The following ARHGEF26 variants were observed in gnomAD, a reference collection of about 807,000 sequenced individuals.
ARHGEF26 encodes Rho guanine nucleotide exchange factor 26.
In ARHGEF26, 59 loss-of-function variants were observed where a neutral mutation model predicts 89.4. The ratio of observed to expected loss-of-function variants is 0.66; its 90% CI spans 0.54 to 0.82. ARHGEF26 has a LOEUF of 0.82. Ranked by LOEUF, ARHGEF26 falls within the 40% of genes least tolerant of loss-of-function variation. The pLI, the probability that ARHGEF26 is intolerant of heterozygous loss-of-function variation, is 0.00. For synonymous variants in ARHGEF26, 500 were observed against 428.4 expected, an observed-to-expected ratio of 1.17 and a Z score of -2.06; for missense variants, 1,234 against 1,085.6, an observed-to-expected ratio of 1.14 and a Z score of -1.92.
rs147283553 is a variant in ARHGEF26, at chr3:154,246,845, A to C, written c.2300+6266A>C. Among the ~76,000 whole-genome samples, 389 of 152,294 alleles carry C rather than the reference A, an allele frequency of 2.6e-3. 3 individuals are homozygous for C. The highest frequency in any genetic ancestry group is 9.1e-3 in the African/African-American group (379 of 41,546). ...GAGGTGGCAGTAAGTGGAAGAGAGG[A>C]ATCGATGATATTTAGATTTTTGGCG... On this transcript the variant is annotated intron_variant, in intron 12 of 14. Transcript: ENST00000465093.
chr3:154,152,950 T>C lies in ARHGEF26; in HGVS notation c.1487+18T>C. ...AGCAAAAAGTAAGTGCACTGCAGTCTGCCTTTGGTCGTGCCAAGAAGTTGC... is the reference window on the plus strand; with the variant it reads ...AGCAAAAAGTAAGTGCACTGCAGTCCGCCTTTGGTCGTGCCAAGAAGTTGC... On this transcript the variant is annotated intron_variant, in intron 6 of 14. Coordinates refer to ENST00000465093, the MANE Select transcript of ARHGEF26 (RefSeq NM_015595.4). The C allele has an allele frequency of 6.6e-7, 1 of 1,525,058 alleles. No individual in the cohort carries two copies. Among genetic ancestry groups the C allele is most frequent in the Non-Finnish European group, 8.8e-7 (1 of 1,137,676 alleles). The allele number at this position is 1,525,058 out of a possible 1,614,324, so 94.5% of individuals were successfully genotyped here. A position where few individuals can be genotyped will look rare whatever the true frequency, so the allele number is the denominator to read the frequency against.
At chr3:154,204,162 C>T (rs894401943) in intron 9 of ARHGEF26, among the ~76,000 whole-genome samples, 2 of 151,986 alleles carry the variant, frequency 1.3e-5, no homozygotes, top group African/African-American at 4.8e-5. Context: ...ATTACAGCTT[C>T]AATCTCATTA....
chr3:154,210,946 C>CA lies in ARHGEF26; in HGVS notation c.1846-6910dup, dbSNP rs879368701. Among the ~76,000 whole-genome samples the CA allele has an allele frequency of 7.1e-4, 99 of 139,514 alleles. No individual in the cohort carries two copies. In the Middle Eastern group the frequency reaches 0.011, roughly 16 times the overall value. The allele number at this position is 139,514 out of a possible 152,430, so 91.5% of individuals were successfully genotyped here. A position where few individuals can be genotyped will look rare whatever the true frequency, so the allele number is the denominator to read the frequency against. ...CGACAGATTAAGTCTGTCCCCCCAC[C>CA]AAAAAAAAAAAAATTTGTCTGGGAG... On this transcript the variant is annotated intron_variant, in intron 9 of 14. Transcript: ENST00000465093.
chr3:154,187,638 G>T, intron 6 of ARHGEF26, 47 bp from the exon 7 acceptor site: 1 of 1,504,082 alleles, frequency 6.6e-7, no homozygotes, highest in Non-Finnish European at 9.0e-7. Flanking sequence ...TTATCTGTTA[G>T]AGTGTATGAA....
chr3:154,144,629 T>G (rs1719591464), intron 4 of ARHGEF26, among the ~76,000 whole-genome samples: 1 of 152,224 alleles, frequency 6.6e-6, no homozygotes, highest in Non-Finnish European at 1.5e-5. Flanking sequence ...TGAAATGATT[T>G]GGATTCATTC....
chr3:154,159,028 C>T (rs1182019372), intron 6 of ARHGEF26, among the ~76,000 whole-genome samples: 2 of 151,906 alleles, frequency 1.3e-5, no homozygotes, highest in Non-Finnish European at 1.5e-5. Flanking sequence ...GAATGTTAAC[C>T]CTTCTCCCAT....
intron 9 of ARHGEF26, among the ~76,000 whole-genome samples, chr3:154,216,494 T>A (rs59688155): frequency 0.73 from 89,311 of 122,218 alleles, 29,663 homozygotes; most frequent in East Asian, 0.88. Flanking sequence ...TTTTTTTTAT[T>A]TTTTTTTATT....
At chr3:154,163,337 G>A (rs1711786704) in intron 6 of ARHGEF26, among the ~76,000 whole-genome samples, 2 of 152,126 alleles carry the variant, frequency 1.3e-5, no homozygotes, top group African/African-American at 4.8e-5. Flanking sequence ...TTTCCCTTTT[G>A]TGGGTAAGGA....
rs1391236704 is a variant in ARHGEF26 at position 154,122,630 on chromosome 3, A to G, written c.638A>G (p.Gln213Arg). ...GGGCCCCAGAAAAGTTCTTCGGAAC[A>G]AAAACTCCCCCTCCAAAGGCTGCCC... ...FPGPQKSSSEQKLPLQRLPSQ... is the reference protein window; with the variant it reads ...FPGPQKSSSERKLPLQRLPSQ... Residue 213 changes from glutamine (Q) to arginine (R), a missense_variant, in exon 2 of 15, where the codon CAA becomes CGA. Gln to Arg is a conservative substitution (Grantham distance 43, BLOSUM62 1). Transcript: ENST00000465093. The G allele has an allele frequency of 1.2e-6, 2 of 1,613,678 alleles. No homozygotes were observed. Among genetic ancestry groups the G allele is most frequent in the Admixed American group, 1.7e-5 (1 of 59,994 alleles).
chr3:154,183,494 C>T (rs1713309867), intron 6 of ARHGEF26, among the ~76,000 whole-genome samples: 1 of 152,172 alleles, frequency 6.6e-6, no homozygotes. Flanking sequence ...AACCAGAATA[C>T]TTTTACTTTT....
chr3:154,181,061 G>A (rs1427527035), intron 6 of ARHGEF26, among the ~76,000 whole-genome samples: 5 of 152,166 alleles, frequency 3.3e-5, no homozygotes, highest in Non-Finnish European at 5.9e-5. Context: ...CGCTTGCCAT[G>A]CTTTTATTCT....
chr3:154,238,147 T>G (rs951286055), intron 11 of ARHGEF26, among the ~76,000 whole-genome samples: 1 of 152,208 alleles, frequency 6.6e-6, no homozygotes, highest in Non-Finnish European at 1.5e-5. Context: ...AAACATAGTC[T>G]TTTAAAAAAT....
At chr3:154,231,293 C>G (rs1716809555) in intron 11 of ARHGEF26, among the ~76,000 whole-genome samples, 1 of 152,126 alleles carries the variant, frequency 6.6e-6, no homozygotes, top group African/African-American at 2.4e-5. Context: ...ATTGTTTCCC[C>G]TGCATCTGTA....
chr3:154,121,226 C>G (rs1713827), upstream of ARHGEF26: 104,148 of 152,202 alleles, frequency 0.68, 36,448 homozygotes, highest in Non-Finnish European at 0.77. Flanking sequence ...GAGCTCAGAA[C>G]CCAGCTCAGG....
chr3:154,189,553 G>A (rs1335644383), intron 7 of ARHGEF26, among the ~76,000 whole-genome samples: 1 of 151,912 alleles, frequency 6.6e-6, no homozygotes, highest in Admixed American at 6.6e-5. Context: ...TAGCCAGGAT[G>A]GTCTTGATCT....
Position 154,191,427 on chromosome 3 carries a change from T to C in ARHGEF26, c.1770+9T>C. On this transcript the variant is annotated intron_variant, in intron 8 of 14. Transcript: ENST00000465093. Reference sequence around the variant, plus strand: ...TTCCCCTGCTGATGGATGTAAGACATGACGGTGGCTTTTTCCTCTGTGGAT... The same window carrying C: ...TTCCCCTGCTGATGGATGTAAGACACGACGGTGGCTTTTTCCTCTGTGGAT... 1 of 1,611,030 alleles carries C rather than the reference T, an allele frequency of 6.2e-7. No individual in the cohort carries two copies. The highest frequency in any genetic ancestry group is 1.1e-5 in the South Asian group (1 of 90,474).
intron 12 of ARHGEF26, among the ~76,000 whole-genome samples, chr3:154,244,446 C>T (rs975040146): frequency 3.3e-5 from 5 of 152,166 alleles, no homozygotes; most frequent in East Asian, 1.9e-4. Flanking sequence ...TAGAACATGA[C>T]GAAGGGACCC....
chr3:154,175,755 G>A (rs542256737), intron 6 of ARHGEF26, among the ~76,000 whole-genome samples: 3 of 152,220 alleles, frequency 2.0e-5, no homozygotes, highest in East Asian at 1.9e-4. Context: ...TATTGGCACT[G>A]TATGTTTTGT....
At chr3:154,205,766 G>T (rs571398055) in intron 9 of ARHGEF26, among the ~76,000 whole-genome samples, 14 of 152,054 alleles carry the variant, frequency 9.2e-5, no homozygotes, top group Non-Finnish European at 1.9e-4. Flanking sequence ...AAACTAATAA[G>T]AACTCTATGC....
Sources: allele counts gnomAD v4.1 joint callset (sites outside exome capture counted in the v4.1 genomes callset), GRCh38; gene constraint gnomAD v4.1.1; transcripts MANE v1.5; gene names NCBI Gene and HGNC (gene_info 2026-07-23, HGNC 2026-07-21).